SMIM23: variants seen among roughly 807,000 people sequenced by gnomAD.
SMIM23 encodes small integral membrane protein 23.
Under a neutral mutation model 12.8 loss-of-function variants are expected in SMIM23, and 10 were observed. That is an observed-to-expected ratio of 0.78 (90% CI 0.48 to 1.32). SMIM23 has a LOEUF of 1.32. Among genes scored for constraint, SMIM23 ranks in the 40% most tolerant of loss-of-function variants. The pLI is 0.00. For missense variants in SMIM23, 184 were observed against 198.2 expected, an observed-to-expected ratio of 0.93 and a Z score of 0.43; for synonymous variants, 78 against 80.1, an observed-to-expected ratio of 0.97 and a Z score of 0.14.
chr5:171,784,309 TC>T (rs201896124), upstream of SMIM23, among the ~76,000 whole-genome samples: 2,733 of 152,058 alleles, frequency 0.018, 21 homozygotes, highest in Middle Eastern at 0.044. Context: ...ATCAAGACCA[TC>T]CTGGCTAACA....
At chr5:171,780,546 T>C (rs1456215168), upstream of SMIM23, among the ~76,000 whole-genome samples, 1 of 152,232 alleles carries the variant, frequency 6.6e-6, no homozygotes, top group African/African-American at 2.4e-5. Context: ...TTTTTGTGTG[T>C]GACTGTAATT....
Position 171,790,512 on chromosome 5 carries a change from G to A in SMIM23, c.188G>A (p.Arg63Lys), listed in dbSNP as rs962726721. 1.0e-5 allele frequency: 16 copies of A among 1,536,686 alleles called. No homozygotes were observed. In the Admixed American group the frequency reaches 2.7e-4, roughly 26 times the overall value. ...GSSWEVSERI[R>K]ECNYYQNLAV... ...AGTTGGGAGGTGTCAGAAAGGATCA[G>A]AGAATGTAACTACTACCAGAATCTT... Residue 63 changes from arginine (R) to lysine (K), a missense_variant, in exon 3 of 4, where the codon AGA (arginine) becomes AAA (lysine). Transcript: ENST00000523047.
upstream of SMIM23, among the ~76,000 whole-genome samples, chr5:171,782,027 G>A (rs935219616): frequency 6.6e-6 from 1 of 152,242 alleles, no homozygotes; most frequent in African/African-American, 2.4e-5. Flanking sequence ...GGCCTCTGCA[G>A]CCAGCAGTGG....
In SMIM23 at chr5:171,791,022, C is replaced by T; in HGVS notation, c.453C>T (p.Ala151=). ...YKSHLWEWAW[A]LGREHKGGEG... is the part of the protein sequence containing the mutation. ...GTCACTTGTGGGAGTGGGCCTGGGC[C>T]CTGGGGAGAGAGCACAAAGGTGGGG... The change falls in exon 4 of 4, where the codon GCC becomes GCT. Residue 151 remains alanine, a synonymous_variant. Transcript: ENST00000523047. The T allele has an allele frequency of 6.5e-7, 1 of 1,534,138 alleles. No homozygotes were observed. Among genetic ancestry groups the T allele is most frequent in the Non-Finnish European group, 8.7e-7 (1 of 1,146,432 alleles).
At chr5:171,773,367 A>T in the SMIM23 span, among the ~76,000 whole-genome samples, 1 of 31,176 alleles carries the variant, frequency 3.2e-5, no homozygotes, top group African/African-American at 3.6e-4. Flanking sequence ...GAGATGCACG[A>T]CCTTTGAGGT....
At chr5:171,782,706 C>G (rs1267361436), upstream of SMIM23, 1 of 152,250 alleles carries the variant, frequency 6.6e-6, no homozygotes. Context: ...GACAAAGTTC[C>G]TGGCCTCTCA....
At chr5:171,773,253 T>G in the SMIM23 span, among the ~76,000 whole-genome samples, 1 of 152,176 alleles carries the variant, frequency 6.6e-6, no homozygotes, top group African/African-American at 2.4e-5. Context: ...AGGGAGGTGG[T>G]GGGGGCTCAA....
the SMIM23 span, among the ~76,000 whole-genome samples, chr5:171,773,039 G>A: frequency 6.6e-6 from 1 of 152,290 alleles, no homozygotes; most frequent in East Asian, 1.9e-4. Context: ...ACATCGCAAA[G>A]GTCTTCTCTT....
chr5:171,772,835 G>T, the SMIM23 span, among the ~76,000 whole-genome samples: 1 of 152,156 alleles, frequency 6.6e-6, no homozygotes, highest in Non-Finnish European at 1.5e-5. Flanking sequence ...CCGTCTGGTC[G>T]CTGGCAAGCA....
chr5:171,782,437 G>A (rs1411282049), upstream of SMIM23: 1 of 152,232 alleles, frequency 6.6e-6, no homozygotes, highest in Non-Finnish European at 1.5e-5. Context: ...GGTAAGGAGA[G>A]TAACGTTCCC....
chr5:171,790,488 G>A lies in SMIM23; in HGVS notation c.164G>A (p.Ser55Asn), dbSNP rs1170561355. 1 of 1,536,768 alleles carries A rather than the reference G, an allele frequency of 6.5e-7. No individual in the cohort carries two copies. The highest frequency in any genetic ancestry group is 8.7e-7 in the Non-Finnish European group (1 of 1,147,040). ...LYLSTEIWGS[S>N]WEVSERIREC... ...ATGTTTGTGCCTGTTTCAGGAAGCA[G>A]TTGGGAGGTGTCAGAAAGGATCAGA... Residue 55 changes from serine to asparagine, a missense_variant, in exon 3 of 4, where the codon AGT (serine) becomes AAT (asparagine). Ser to Asn is a conservative substitution (Grantham distance 46, BLOSUM62 1). Transcript: ENST00000523047.
upstream of SMIM23, among the ~76,000 whole-genome samples, chr5:171,777,555 G>A (rs1056923111): frequency 2.6e-5 from 4 of 152,212 alleles, no homozygotes; most frequent in Non-Finnish European, 4.4e-5. Flanking sequence ...GCCTCTGCTT[G>A]CCACAGTGAG....
At chr5:171,776,382 A>T in the SMIM23 span, among the ~76,000 whole-genome samples, 21 of 152,132 alleles carry the variant, frequency 1.4e-4, no homozygotes, top group Non-Finnish European at 2.4e-4. Flanking sequence ...TTTCACGTAC[A>T]TCGTCACTCT....
upstream of SMIM23, among the ~76,000 whole-genome samples, chr5:171,779,296 G>A (rs1003985836): frequency 6.6e-6 from 1 of 152,114 alleles, no homozygotes; most frequent in African/African-American, 2.4e-5. Flanking sequence ...CTGGACACAC[G>A]TGTTATGATT....
upstream of SMIM23, among the ~76,000 whole-genome samples, chr5:171,777,443 C>A (rs911851403): frequency 6.6e-6 from 1 of 152,178 alleles, no homozygotes; most frequent in African/African-American, 2.4e-5. Context: ...ACGGGGCATG[C>A]AGAAGGGTAT....
chr5:171,774,381 A>G, the SMIM23 span: 1 of 456,102 alleles, frequency 2.2e-6, no homozygotes, highest in South Asian at 1.5e-5. Flanking sequence ...GAAGGAGCCC[A>G]CGCAGGGTTA....
upstream of SMIM23, among the ~76,000 whole-genome samples, chr5:171,781,159 G>A (rs2113643778): frequency 6.6e-6 from 1 of 152,336 alleles, no homozygotes; most frequent in South Asian, 2.1e-4. Flanking sequence ...TGAGGGTGCA[G>A]AAGTCCTCGG....
At chr5:171,774,843 G>A in the SMIM23 span, 20 of 351,212 alleles carry the variant, frequency 5.7e-5, no homozygotes, top group African/African-American at 2.8e-4. Context: ...GTCTTGGGCC[G>A]TGTCTACAGG....
chr5:171,790,563 C>T lies in SMIM23; in HGVS notation c.225+14C>T. 6.5e-7 allele frequency: 1 copy of T among 1,536,066 alleles called. No homozygotes were observed. The highest frequency in any genetic ancestry group is 8.7e-7 in the Non-Finnish European group (1 of 1,146,488). ...GCAGTTCCCCAGGTAACATGTCCAGCAAGGTACTGAGGTGAGGCAATCTGG... is the reference window on the plus strand; with the variant it reads ...GCAGTTCCCCAGGTAACATGTCCAGTAAGGTACTGAGGTGAGGCAATCTGG... On this transcript the variant is annotated intron_variant, in intron 3 of 3. Transcript: ENST00000523047.
Sources: gnomAD v4.1 joint callset for allele counts (sites outside exome capture counted in the v4.1 genomes callset) on GRCh38, gnomAD v4.1.1 for gene constraint, MANE v1.5 for transcripts, NCBI Gene and HGNC (gene_info 2026-07-23, HGNC 2026-07-21) for gene names.